Variants in RUSC1 observed in about 807,000 individuals in gnomAD.
RUSC1 encodes the protein RUN and SH3 domain containing 1, also known as AP-4 complex accessory subunit RUSC1.
RUSC1 carries 40 observed loss-of-function variants against 72.1 expected under a neutral mutation model. That is an observed-to-expected ratio of 0.55 (90% confidence interval 0.43 to 0.72). The LOEUF is 0.72. Among genes scored for constraint, RUSC1 ranks in the 30% least tolerant of loss-of-function variants. The pLI is 0.00. For synonymous variants in RUSC1, 512 were observed against 494.2 expected (o/e 1.04, Z -0.48); for missense variants, 1,092 against 1,172.3 (o/e 0.93, Z 1.00).
At chr1:155,330,107 G>A (rs1293303918) in intron 9 of RUSC1, among the ~76,000 whole-genome samples, 2 of 152,072 alleles carry the variant, frequency 1.3e-5, no homozygotes, top group Non-Finnish European at 2.9e-5. Context: ...CACTATAGGC[G>A]ACACGAGGAG....
Position 155,325,765 on chromosome 1 carries a change from G to A in RUSC1, c.1814+93G>A. The A allele has an allele frequency of 3.2e-6, 5 of 1,582,362 alleles. No individual in the cohort carries two copies. The highest frequency in any genetic ancestry group is 2.2e-5 in the East Asian group (1 of 44,716). On this transcript the variant is annotated intron_variant, in intron 6 of 9. Transcript: ENST00000368352. This position sits in a 1 kb window ranked among gnomAD's most constrained non-coding sequence, Gnocchi z 6.5. ...AGTAGTAGTGCCTCACATCCCCAGAGAAGGCCCCCCCTCTTCCAATCTCAT... is the reference window on the plus strand; with the variant it reads ...AGTAGTAGTGCCTCACATCCCCAGAAAAGGCCCCCCCTCTTCCAATCTCAT...
At chr1:155,324,787 C>T (rs1209301296) in intron 2 of RUSC1, 58 bp from the exon 3 acceptor site, 2 of 1,611,856 alleles carry the variant, frequency 1.2e-6, no homozygotes, top group African/African-American at 1.3e-5. Context: ...TGCGGGAGCC[C>T]GGAGTCCTCG....
chr1:155,322,838 G>A lies in RUSC1; in HGVS notation c.1065G>A (p.Ser355=). 6.2e-7 allele frequency: 1 copy of A among 1,613,204 alleles called. No individual in the cohort carries two copies. Among genetic ancestry groups the A allele is most frequent in the South Asian group, 1.1e-5 (1 of 91,054 alleles). The change falls in exon 2 of 10, where the codon TCG becomes TCA. Residue 355 remains serine, a synonymous_variant. Transcript: ENST00000368352. ...VFSPDTELPP[S]GSPGGSSAPP... ...CGCCCGACACCGAGCTCCCCCCCTC[G>A]GGGTCGCCGGGCGGCTCCTCGGCAC...
intron 8 of RUSC1, 141 bp downstream of exon 8, chr1:155,327,273 A>G (rs1051523978): frequency 4.7e-6 from 4 of 857,196 alleles, no homozygotes; most frequent in Non-Finnish European, 7.0e-6. Flanking sequence ...AAAAATGGTT[A>G]CATTTTAATG....
rs1651771528 is a variant in RUSC1 at position 155,329,391 on chromosome 1, AC to A, written c.2541-1011del. On this transcript the variant is annotated intron_variant, in intron 9 of 9. Coordinates refer to ENST00000368352, the MANE Select transcript of RUSC1 (RefSeq NM_001105203.2). ...GGGAGCCACTACACCTGGCTACTAAACTTTTTTTTTTTTTTTTTTGAGACAG... is the reference window on the plus strand; with the variant it reads ...GGGAGCCACTACACCTGGCTACTAAATTTTTTTTTTTTTTTTTTGAGACAG... Among the ~76,000 whole-genome samples the A allele has an allele frequency of 2.4e-5, 3 of 126,972 alleles. No individual in the cohort carries two copies. In the South Asian group the frequency reaches 7.3e-4, roughly 31 times the overall value. 83.3% of individuals were successfully genotyped at this position (126,972 alleles called of 152,430 possible).
At position 155,326,956 on chromosome 1, in the gene RUSC1, G is replaced by A; in HGVS notation, c.2238G>A (p.Glu746=). The A allele has an allele frequency of 6.2e-7, 1 of 1,613,834 alleles. No homozygotes were observed. Among genetic ancestry groups the A allele is most frequent in the Non-Finnish European group, 8.5e-7 (1 of 1,180,038 alleles). The change falls in exon 8 of 10, where the codon GAG becomes GAA. Residue 746 remains glutamate, a synonymous_variant. Coordinates refer to ENST00000368352, the MANE Select transcript of RUSC1 (RefSeq NM_001105203.2). This position sits in a 1 kb window ranked among gnomAD's most constrained non-coding sequence, Gnocchi z 4.7. ...ASRVYASGGT[E]GFPLSRWAPG... ...GGGTCTATGCCTCTGGGGGCACTGA[G>A]GGCTTTCCTCTTTCCCGATGGGCAC...
At position 155,322,321 on chromosome 1, in the gene RUSC1, A is replaced by G; in HGVS notation, c.548A>G (p.Asn183Ser). 1 of 1,612,116 alleles carries G rather than the reference A, an allele frequency of 6.2e-7. No homozygotes were observed. The highest frequency in any genetic ancestry group is 8.5e-7 in the Non-Finnish European group (1 of 1,178,582). ...SPDPGLDSNCNALTTCQDVPS... is the reference protein window; with the variant it reads ...SPDPGLDSNCSALTTCQDVPS... ...GATCCTGGCCTGGACTCGAACTGCA[A>G]CGCCCTGACCACCTGCCAGGACGTC... Residue 183 changes from asparagine to serine, a missense_variant, in exon 2 of 10, where the codon AAC becomes AGC. Physicochemically the swap from Asn to Ser is conservative, Grantham distance 46. Coordinates refer to ENST00000368352, the MANE Select transcript of RUSC1 (RefSeq NM_001105203.2).
chr1:155,326,553 A>T lies in RUSC1; in HGVS notation c.1862-27A>T. ...CTTCTGGGACTAGGTCCAGGGCAGG[A>T]GCTGATGTTGGCCTGCTCTTTTCCA... On this transcript the variant is annotated intron_variant, in intron 7 of 9. Coordinates refer to ENST00000368352, the MANE Select transcript of RUSC1 (RefSeq NM_001105203.2). The surrounding 1 kb of genome is among the most constrained non-coding windows in gnomAD (Gnocchi z 4.7). 1.3e-6 allele frequency: 2 copies of T among 1,580,288 alleles called. No individual in the cohort carries two copies. The highest frequency in any genetic ancestry group is 1.7e-6 in the Non-Finnish European group (2 of 1,161,334).
rs773841743 is a variant in RUSC1 at position 155,325,691 on chromosome 1, A to G, written c.1814+19A>G. ...TCCTCAAGTGAGTTGCCTTCTTTCC[A>G]GTGCCCTTCCCACGACCTGGGACTG... On this transcript the variant is annotated intron_variant, in intron 6 of 9. Coordinates refer to ENST00000368352, the MANE Select transcript of RUSC1 (RefSeq NM_001105203.2). This position sits in a 1 kb window ranked among gnomAD's most constrained non-coding sequence, Gnocchi z 6.5. 10 of 1,612,844 alleles carry G rather than the reference A, an allele frequency of 6.2e-6. No individual in the cohort carries two copies. The South Asian group carries it at 1.1e-4, about 18-fold the overall frequency.
At chr1:155,324,992 C>T (rs1189869598) in intron 3 of RUSC1, 49 bp downstream of exon 3, 4 of 1,613,818 alleles carry the variant, frequency 2.5e-6, no homozygotes, top group East Asian at 2.2e-5. Flanking sequence ...AACTGCCCTT[C>T]GCCCCCGGCC....
chr1:155,324,181 C>T, intron 2 of RUSC1: 1 of 1,391,094 alleles, frequency 7.2e-7, no homozygotes, highest in Non-Finnish European at 9.3e-7. Context: ...CGGGCCTGCC[C>T]CCCGACCTTG....
At chr1:155,329,953 G>GA (rs1025418792) in intron 9 of RUSC1, among the ~76,000 whole-genome samples, 853 of 45,932 alleles carry the variant, frequency 0.019, 11 homozygotes, top group East Asian at 0.056. Flanking sequence ...TCTGTCTCAA[G>GA]AAAAAAAAAA....
chr1:155,325,588 G>T lies in RUSC1; in HGVS notation c.1730G>T (p.Gly577Val). 6.2e-7 allele frequency: 1 copy of T among 1,611,538 alleles called. No individual in the cohort carries two copies. Among genetic ancestry groups the T allele is most frequent in the Non-Finnish European group, 8.5e-7 (1 of 1,179,966 alleles). The change falls in exon 6 of 10, where the codon GGA (glycine) becomes GTA (valine). Residue 577 changes from glycine to valine, a missense_variant. By Grantham distance (109) the Gly-to-Val change is moderately radical (BLOSUM62 -3). Coordinates refer to ENST00000368352, the MANE Select transcript of RUSC1 (RefSeq NM_001105203.2). This position sits in a 1 kb window ranked among gnomAD's most constrained non-coding sequence, Gnocchi z 6.5. ...TCAGGCTCCAGCACCCGCTCCCTTG[G>T]AACCCTGTATAGCCAGGTCAGCCGT... is the stretch of plus-strand genomic sequence containing the variant. ...VKPGSSTRSLGTLYSQVSRLA... is the reference protein window; with the variant it reads ...VKPGSSTRSLVTLYSQVSRLA...
intron 9 of RUSC1, 40 bp downstream of exon 9, chr1:155,328,315 G>GTA: frequency 6.4e-7 from 1 of 1,554,342 alleles, no homozygotes; most frequent in Non-Finnish European, 8.7e-7. Context: ...GTGTAACCAT[G>GTA]TATGCTATCA....
chr1:155,324,971 G>A (rs901835281), intron 3 of RUSC1, 28 bp downstream of exon 3: 12 of 1,613,924 alleles, frequency 7.4e-6, no homozygotes, highest in Non-Finnish European at 9.3e-6. Flanking sequence ...CCGACCCCGC[G>A]CTTCCGAATA....
rs531586242 is a variant in RUSC1, at chr1:155,321,220, T to G, written c.-87+229T>G. 6 of 1,359,782 alleles carry G rather than the reference T, an allele frequency of 4.4e-6. No individual in the cohort carries two copies. The East Asian group carries it at 2.8e-4, about 63-fold the overall frequency. The allele number at this position is 1,359,782 out of a possible 1,614,324, so 84.2% of individuals were successfully genotyped here. A position where few individuals can be genotyped will look rare whatever the true frequency, so the allele number is the denominator to read the frequency against. On this transcript the variant is annotated intron_variant, in intron 1 of 9. Transcript: ENST00000368352. ...AGTTGACAAGCTGACGGCTGCTCCA[T>G]CCTTTTCCTCTCCAGCCCCCACCCC...
intron 9 of RUSC1, among the ~76,000 whole-genome samples, chr1:155,328,641 C>A (rs1570914178): frequency 6.6e-6 from 1 of 151,662 alleles, no homozygotes; most frequent in East Asian, 1.9e-4. Flanking sequence ...AGCTCTGTCG[C>A]CAAGCTGAAG....
At chr1:155,321,264 C>T (rs1650427695) in intron 1 of RUSC1, 2 of 1,367,768 alleles carry the variant, frequency 1.5e-6, no homozygotes, top group African/African-American at 2.9e-5. Flanking sequence ...ATTCACCAGA[C>T]AAACTCTGCG....
chr1:155,321,560 G>T, intron 1 of RUSC1, 128 bp from the exon 2 acceptor site: 3 of 1,318,906 alleles, frequency 2.3e-6, no homozygotes, highest in Middle Eastern at 2.2e-4. Flanking sequence ...ATTGCGATTT[G>T]CATCTCATTG....
Sources: allele counts gnomAD v4.1 joint callset (sites outside exome capture counted in the v4.1 genomes callset), GRCh38; gene constraint gnomAD v4.1.1; non-coding constraint Gnocchi (gnomAD v3.1); transcripts MANE v1.5; gene names NCBI Gene and HGNC (gene_info 2026-07-23, HGNC 2026-07-21).